The following ARG2 variants were observed in gnomAD, a reference collection of about 807,000 sequenced individuals.
The protein encoded by ARG2 is arginase-2, mitochondrial.
Under a neutral mutation model 39.4 loss-of-function variants are expected in ARG2, and 21 were observed. The ratio of observed to expected loss-of-function variants is 0.53; its 90% CI spans 0.38 to 0.77. The LOEUF is 0.77. Ranked by LOEUF, ARG2 falls within the 30% of genes least tolerant of loss-of-function variation. The pLI, the probability that ARG2 is intolerant of heterozygous loss-of-function variation, is 0.00. For synonymous variants in ARG2, 150 were observed against 156.7 expected (o/e 0.96, Z 0.32); for missense variants, 378 against 426.2 (o/e 0.89, Z 1.00).
chr14:67,633,062 C>A (rs1022941710), intron 2 of ARG2, among the ~76,000 whole-genome samples: 1 of 151,794 alleles, frequency 6.6e-6, no homozygotes, highest in Admixed American at 6.6e-5. Flanking sequence ...CCTCGTGATC[C>A]GCCCGCCTCG....
intron 2 of ARG2, among the ~76,000 whole-genome samples, chr14:67,623,265 T>G (rs1394426552): frequency 6.6e-6 from 1 of 152,214 alleles, no homozygotes; most frequent in African/African-American, 2.4e-5. Context: ...TCAGTTGCTC[T>G]GTTCCTAAAC....
At chr14:67,650,487 T>C in intron 7 of ARG2, 1 of 557,180 alleles carries the variant, frequency 1.8e-6, no homozygotes, top group African/African-American at 1.9e-5. Flanking sequence ...GATGGTTTAT[T>C]TCATTATCTT....
chr14:67,631,896 A>G (rs1159805693), intron 2 of ARG2, among the ~76,000 whole-genome samples: 4 of 152,052 alleles, frequency 2.6e-5, no homozygotes, highest in African/African-American at 9.7e-5. Flanking sequence ...ATTTTTTGAG[A>G]CAGGGTCTTG....
intron 2 of ARG2, among the ~76,000 whole-genome samples, chr14:67,622,284 C>A (rs2036818926): frequency 6.6e-6 from 1 of 152,154 alleles, no homozygotes; most frequent in South Asian, 2.1e-4. Flanking sequence ...AGTTAACTCC[C>A]CACTGTTGCT....
At chr14:67,638,667 C>CA (rs1254013957) in intron 2 of ARG2, among the ~76,000 whole-genome samples, 1 of 152,060 alleles carries the variant, frequency 6.6e-6, no homozygotes, top group African/African-American at 2.4e-5. Flanking sequence ...AAAGAAAAAA[C>CA]AGAGTTGGGA....
At chr14:67,620,850 G>T (rs1378672188) in intron 1 of ARG2, 44 bp from the exon 2 acceptor site, 2 of 1,606,964 alleles carry the variant, frequency 1.2e-6, no homozygotes, top group South Asian at 2.2e-5. Flanking sequence ...GTTTTTTTCC[G>T]ACACCTTCTC....
intron 2 of ARG2, among the ~76,000 whole-genome samples, chr14:67,622,013 C>T (rs2140704761): frequency 6.6e-6 from 1 of 152,174 alleles, no homozygotes; most frequent in African/African-American, 2.4e-5. Flanking sequence ...AGAAGAATTG[C>T]TTGAACCTGG....
chr14:67,630,588 T>G (rs58588003), intron 2 of ARG2, among the ~76,000 whole-genome samples: 32,853 of 152,098 alleles, frequency 0.22, 4,469 homozygotes, highest in African/African-American at 0.38. Context: ...GTTTATTTAT[T>G]TATTTATTTT....
chr14:67,623,201 T>C (rs1468800003), intron 2 of ARG2, among the ~76,000 whole-genome samples: 1 of 152,248 alleles, frequency 6.6e-6, no homozygotes, highest in Non-Finnish European at 1.5e-5. Flanking sequence ...ATTTCTAGCA[T>C]GTGGTTTTGG....
At chr14:67,650,687 G>A (rs746483021) in intron 7 of ARG2, 28 bp from the exon 8 acceptor site, 8 of 1,608,886 alleles carry the variant, frequency 5.0e-6, no homozygotes, top group Non-Finnish European at 6.8e-6. Flanking sequence ...AAGGGAACCT[G>A]AGGTTTTGTC....
In ARG2 at chr14:67,642,196, A is replaced by G. The variant is rs757246850; in HGVS notation, c.195A>G (p.Leu65=). ...MKRLSSLGCH[L]KDFGDLSFTP... ...CTCATTTGCTTCCAGGCTGCCACCT[A>G]AAAGACTTTGGAGATTTGAGTTTTA... Residue 65 remains leucine (L), a synonymous_variant, in exon 3 of 8, where the codon CTA becomes CTG. Transcript: ENST00000261783. The G allele has an allele frequency of 5.6e-6, 9 of 1,613,884 alleles. No homozygotes were observed. The Admixed American group carries it at 1.3e-4, about 24-fold the overall frequency.
chr14:67,634,096 G>C (rs2036945784), intron 2 of ARG2, among the ~76,000 whole-genome samples: 1 of 151,982 alleles, frequency 6.6e-6, no homozygotes, highest in Admixed American at 6.5e-5. Context: ...GTATACTTTT[G>C]TTGAAGGAAA....
At chr14:67,641,361 A>G (rs1301611626) in intron 2 of ARG2, among the ~76,000 whole-genome samples, 1 of 152,226 alleles carries the variant, frequency 6.6e-6, no homozygotes. Flanking sequence ...AAGCCTTTGG[A>G]TAATGGGTAC....
intron 2 of ARG2, among the ~76,000 whole-genome samples, chr14:67,624,191 G>A (rs929619509): frequency 6.6e-6 from 1 of 152,166 alleles, no homozygotes; most frequent in Non-Finnish European, 1.5e-5. Context: ...CTAGCCACCT[G>A]TTACCATGTG....
chr14:67,645,863 T>C (rs1328129444), intron 4 of ARG2, 61 bp downstream of exon 4: 1 of 1,574,626 alleles, frequency 6.4e-7, no homozygotes, highest in Non-Finnish European at 8.6e-7. Flanking sequence ...GGAGTTGGTC[T>C]AGTTCAGTTA....
intron 7 of ARG2, chr14:67,648,828 C>T (rs909723375): frequency 6.6e-6 from 1 of 152,178 alleles, no homozygotes; most frequent in Non-Finnish European, 1.5e-5. Context: ...CTTCAAATGA[C>T]CTTTCATTCC....
At position 67,651,233 on chromosome 14, in the gene ARG2, T is replaced by C; in HGVS notation, c.*313T>C. On this transcript the variant is annotated 3_prime_UTR_variant, in exon 8 of 8. Coordinates refer to ENST00000261783, the MANE Select transcript of ARG2 (RefSeq NM_001172.4). ...TTGTTCCTTCACATTTAAGTGGTTT[T>C]TCATCTTTCCTCCCTCCTCCCACAG... 1 of 1,466,952 alleles carries C rather than the reference T, an allele frequency of 6.8e-7. No homozygotes were observed. The highest frequency in any genetic ancestry group is 2.4e-5 in the Admixed American group (1 of 41,002). The allele number at this position is 1,466,952 out of a possible 1,614,324, so 90.9% of individuals were successfully genotyped here.
intron 2 of ARG2, among the ~76,000 whole-genome samples, chr14:67,641,087 CCAAA>C (rs1433787591): frequency 1.3e-5 from 2 of 152,288 alleles, no homozygotes; most frequent in East Asian, 1.9e-4. Flanking sequence ...GATGGTGATG[CCAAA>C]CAATCATATT....
chr14:67,634,430 CA>C (rs574075570), intron 2 of ARG2, among the ~76,000 whole-genome samples: 1,663 of 114,466 alleles, frequency 0.015, 34 homozygotes, highest in East Asian at 0.098. Context: ...CTATCTCTAC[CA>C]AAAAAAAAAA....
Sources: gnomAD v4.1 joint callset for allele counts (sites outside exome capture counted in the v4.1 genomes callset) on GRCh38, gnomAD v4.1.1 for gene constraint, MANE v1.5 for transcripts, NCBI Gene and HGNC (gene_info 2026-07-23, HGNC 2026-07-21) for gene names.